PARD3B: variants seen among roughly 807,000 people sequenced by gnomAD.
PARD3B encodes partitioning defective 3 homolog B.
PARD3B carries 103 observed loss-of-function variants against 130.2 expected under a neutral mutation model. That is an observed-to-expected ratio of 0.79 (90% CI 0.67 to 0.93). PARD3B has a LOEUF of 0.93. Ranked by LOEUF, PARD3B falls within the 40% of genes least tolerant of loss-of-function variation. The pLI is 0.00. For synonymous variants in PARD3B, 583 were observed against 553.2 expected (o/e 1.05, Z -0.76); for missense variants, 1,609 against 1,499.2 (o/e 1.07, Z -1.21).
intron 1 of PARD3B, among the ~76,000 whole-genome samples, chr2:204,652,706 T>C (rs2035519045): frequency 6.6e-6 from 1 of 152,216 alleles, no homozygotes; most frequent in African/African-American, 2.4e-5. Flanking sequence ...TACACTGCTA[T>C]AAAGAACTAC....
chr2:204,864,758 A>G (rs1013912246), intron 2 of PARD3B, among the ~76,000 whole-genome samples: 1 of 152,108 alleles, frequency 6.6e-6, no homozygotes, highest in African/African-American at 2.4e-5. Flanking sequence ...TTACCACCCT[A>G]TACCTGGTGC....
rs2037230417 is a variant in PARD3B, at chr2:204,689,006, G to A, written c.222+2724G>A. ...GGCATTAAGGAACTGTTGGTCTATTGCAGCATATCAGGCAGGAAAAACAGA... is the reference window on the plus strand; with the variant it reads ...GGCATTAAGGAACTGTTGGTCTATTACAGCATATCAGGCAGGAAAAACAGA... On this transcript the variant is annotated intron_variant, in intron 2 of 22. Coordinates refer to ENST00000406610, the MANE Select transcript of PARD3B (RefSeq NM_001302769.2). The surrounding 1 kb of genome is among the most constrained non-coding windows in gnomAD (Gnocchi z 5.2). Among the ~76,000 whole-genome samples, 1 of 152,144 alleles carries A rather than the reference G, an allele frequency of 6.6e-6. No individual in the cohort carries two copies. The highest frequency in any genetic ancestry group is 1.5e-5 in the Non-Finnish European group (1 of 68,030).
intron 1 of PARD3B, among the ~76,000 whole-genome samples, chr2:204,636,017 GTA>G (rs1490691302): frequency 1.3e-5 from 2 of 152,054 alleles, no homozygotes; most frequent in Non-Finnish European, 2.9e-5. Flanking sequence ...GTAGTTAAAT[GTA>G]TATGTTTGTA....
chr2:204,749,185 A>G (rs1187946359), intron 2 of PARD3B, among the ~76,000 whole-genome samples: 1 of 152,112 alleles, frequency 6.6e-6, no homozygotes, highest in Non-Finnish European at 1.5e-5. Context: ...ACCGAGGGCT[A>G]TTTGAATAAA....
intron 21 of PARD3B, among the ~76,000 whole-genome samples, chr2:205,542,144 C>CA (rs71032484): frequency 0.024 from 907 of 38,062 alleles, 118 homozygotes; most frequent in Non-Finnish European, 0.029. Flanking sequence ...ACTCCGTCTC[C>CA]AAAAAAAAAA....
chr2:204,746,484 T>C (rs1279379826), intron 2 of PARD3B, among the ~76,000 whole-genome samples: 2 of 152,272 alleles, frequency 1.3e-5, no homozygotes, highest in Non-Finnish European at 2.9e-5. Context: ...TATAATCCTT[T>C]GGGTATATAC....
Position 205,533,073 on chromosome 2 carries a change from A to G in PARD3B, c.3181-20251A>G, listed in dbSNP as rs2051674895. On this transcript the variant is annotated intron_variant, in intron 21 of 22. Coordinates refer to ENST00000406610, the MANE Select transcript of PARD3B (RefSeq NM_001302769.2). ...AGAGGGAGAAATGATGAGTGTTATA[A>G]TAACACAAAATCACTGTTTCAACTT... is the stretch of plus-strand genomic sequence containing the variant. Among the ~76,000 whole-genome samples, 3 of 152,218 alleles carry G rather than the reference A, an allele frequency of 2.0e-5. No individual in the cohort carries two copies. In the South Asian group the frequency reaches 6.2e-4, roughly 32 times the overall value.
chr2:205,612,829 A>T (rs745661810), intron 22 of PARD3B, among the ~76,000 whole-genome samples: 1 of 152,196 alleles, frequency 6.6e-6, no homozygotes, highest in Non-Finnish European at 1.5e-5. Context: ...CCACAAAAGT[A>T]TCTTGAGGTC....
At chr2:204,902,526 G>T (rs548266531) in intron 2 of PARD3B, among the ~76,000 whole-genome samples, 1 of 151,948 alleles carries the variant, frequency 6.6e-6, no homozygotes, top group African/African-American at 2.4e-5. Context: ...AACATTAGCC[G>T]GGCGTGGTGG....
chr2:205,187,858 C>T lies in PARD3B; in HGVS notation c.2024+1995C>T, dbSNP rs186454476. 3.9e-5 allele frequency among the ~76,000 whole-genome samples: 6 copies of T among 152,278 alleles called. No homozygotes were observed. Among genetic ancestry groups the T allele is most frequent in the East Asian group, 1.9e-4 (1 of 5,184 alleles). ...TTAGAACTGCTCTCTTAATCATCAA[C>T]GGTAATCTCCTTTCAGTCAAAAGTA... On this transcript the variant is annotated intron_variant, in intron 14 of 22. Transcript: ENST00000406610. This position sits in a 1 kb window ranked among gnomAD's most constrained non-coding sequence, Gnocchi z 4.9.
intron 2 of PARD3B, among the ~76,000 whole-genome samples, chr2:204,903,081 A>G (rs1281159920): frequency 6.6e-6 from 1 of 152,264 alleles, no homozygotes; most frequent in Non-Finnish European, 1.5e-5. Flanking sequence ...TTTCTATCAT[A>G]CAAGCCAGAG....
chr2:205,000,551 T>C (rs893441174), intron 3 of PARD3B, among the ~76,000 whole-genome samples: 8 of 152,242 alleles, frequency 5.3e-5, no homozygotes, highest in Middle Eastern at 3.2e-3. Context: ...TTTAAGGAGA[T>C]AGATGAAATA....
rs1489638059 is a variant in PARD3B at position 204,730,757 on chromosome 2, G to A, written c.222+44475G>A. ...GAATCTCCACATTAGTTTGGATTGC[G>A]CACCTTTGGGGCATGTATAAATTGA... On this transcript the variant is annotated intron_variant, in intron 2 of 22. Coordinates refer to ENST00000406610, the MANE Select transcript of PARD3B (RefSeq NM_001302769.2). 3.3e-5 allele frequency among the ~76,000 whole-genome samples: 5 copies of A among 152,104 alleles called. No homozygotes were observed. In the East Asian group the frequency reaches 9.7e-4, roughly 29 times the overall value.
intron 1 of PARD3B, among the ~76,000 whole-genome samples, chr2:204,553,158 G>T (rs968635112): frequency 6.6e-6 from 1 of 152,046 alleles, no homozygotes; most frequent in Non-Finnish European, 1.5e-5. Flanking sequence ...AGAAAAAAAT[G>T]CTCAACATCA....
intron 2 of PARD3B, among the ~76,000 whole-genome samples, chr2:204,875,043 A>G (rs1249838891): frequency 6.6e-6 from 1 of 152,150 alleles, no homozygotes; most frequent in Non-Finnish European, 1.5e-5. Flanking sequence ...CTTATCATTC[A>G]TGATTTGATC....
At chr2:204,759,361 A>T (rs941460104) in intron 2 of PARD3B, among the ~76,000 whole-genome samples, 4 of 152,144 alleles carry the variant, frequency 2.6e-5, no homozygotes, top group Admixed American at 2.6e-4. Flanking sequence ...GCGCACCCAC[A>T]GTTTCATTCC....
Position 204,565,664 on chromosome 2 carries a change from A to C in PARD3B, c.120+19545A>C, listed in dbSNP as rs115477641. On this transcript the variant is annotated intron_variant, in intron 1 of 22. Transcript: ENST00000406610. ...ATTATGATTGACAACAAATGCTGTC[A>C]TCTGTTTTCCTTCAAGTGCCGAGGT... Among the ~76,000 whole-genome samples the C allele has an allele frequency of 7.6e-3, 1,155 of 152,344 alleles. 17 individuals carry two copies. Among genetic ancestry groups the C allele is most frequent in the African/African-American group, 0.026 (1,099 of 41,586 alleles).
At chr2:204,556,393 T>A (rs1216938581) in intron 1 of PARD3B, among the ~76,000 whole-genome samples, 1 of 151,878 alleles carries the variant, frequency 6.6e-6, no homozygotes, top group Admixed American at 6.6e-5. Context: ...TTTTGATGAG[T>A]TTCATGGCCT....
At position 205,351,928 on chromosome 2, in the gene PARD3B, G is replaced by C. The variant is rs148484069; in HGVS notation, c.2631-49085G>C. ...TTCTGTCAAGCTACCTGCCTCCCAG[G>C]TACACGCGTATTGCTGAGGAAACAC... On this transcript the variant is annotated intron_variant, in intron 18 of 22. Transcript: ENST00000406610. The surrounding 1 kb of genome is among the most constrained non-coding windows in gnomAD (Gnocchi z 4.2). 2.0e-5 allele frequency among the ~76,000 whole-genome samples: 3 copies of C among 152,186 alleles called. No homozygotes were observed. The highest frequency in any genetic ancestry group is 6.5e-5 in the Admixed American group (1 of 15,294).
Sources: gnomAD v4.1 joint callset for allele counts (sites outside exome capture counted in the v4.1 genomes callset) on GRCh38, gnomAD v4.1.1 for gene constraint, Gnocchi (gnomAD v3.1) non-coding constraint, MANE v1.5 for transcripts, NCBI Gene and HGNC (gene_info 2026-07-23, HGNC 2026-07-21) for gene names.